Variants in INPP5A observed in about 807,000 individuals in gnomAD.
INPP5A encodes the protein inositol polyphosphate-5-phosphatase A.
INPP5A carries 14 observed loss-of-function variants against 65.2 expected under a neutral mutation model. The observed-to-expected ratio is 0.21, with a 90% CI of 0.14 to 0.34. The LOEUF is 0.34. INPP5A is among the 10% of genes least tolerant of loss of function. INPP5A has a pLI of 1.00. For synonymous variants in INPP5A, 207 were observed against 208.3 expected, an observed-to-expected ratio of 0.99 and a Z score of 0.05; for missense variants, 431 against 545.6, an observed-to-expected ratio of 0.79 and a Z score of 2.09.
At chr10:132,596,270 G>T (rs966070571) in intron 1 of INPP5A, among the ~76,000 whole-genome samples, 1 of 152,182 alleles carries the variant, frequency 6.6e-6, no homozygotes, top group African/African-American at 2.4e-5. Flanking sequence ...GTAAAGACCA[G>T]TTTGGGCAGG....
At chr10:132,596,915 ATGTGTGCG>A (rs533676765) in intron 1 of INPP5A, among the ~76,000 whole-genome samples, 3 of 37,996 alleles carry the variant, frequency 7.9e-5, no homozygotes, top group African/African-American at 1.5e-4. Flanking sequence ...GCATGTGTGC[ATGTGTGCG>A]CGCATGTGCA....
Position 132,778,302 on chromosome 10 carries a change from ATTT to A in INPP5A, c.1089+548_1089+550del, listed in dbSNP as rs57172206. ...CTGTGATTTTTTTTTTTTAATAATAATTTTTTTTTTTTTTTTTTTTTTTTTTTT... is the reference window on the plus strand; with the variant it reads ...CTGTGATTTTTTTTTTTTAATAATAATTTTTTTTTTTTTTTTTTTTTTTTT... On this transcript the variant is annotated intron_variant, in intron 13 of 15. Coordinates refer to ENST00000368594, the MANE Select transcript of INPP5A (RefSeq NM_005539.5). Among the ~76,000 whole-genome samples the A allele has an allele frequency of 7.5e-3, 548 of 72,892 alleles. 3 individuals carry two copies. The highest frequency in any genetic ancestry group is 0.019 in the African/African-American group (242 of 12,670). The allele number at this position is 72,892 out of a possible 152,430, so 47.8% of individuals were successfully genotyped here. A position where few individuals can be genotyped will look rare whatever the true frequency, so the allele number is the denominator to read the frequency against.
In INPP5A at chr10:132,648,833, G is replaced by A. The variant is rs149609571; in HGVS notation, c.219-1585G>A. On this transcript the variant is annotated intron_variant, in intron 3 of 15. Coordinates refer to ENST00000368594, the MANE Select transcript of INPP5A (RefSeq NM_005539.5). ...AGCTGGTTTGCAGCAACCTGATTAT[G>A]TTGTACTTTGCTTTGATGTTCTTTA... is the stretch of plus-strand genomic sequence containing the variant. 3.3e-5 allele frequency among the ~76,000 whole-genome samples: 5 copies of A among 152,302 alleles called. No individual in the cohort carries two copies. The East Asian group carries it at 7.7e-4, about 23-fold the overall frequency.
intron 12 of INPP5A, among the ~76,000 whole-genome samples, chr10:132,769,531 G>A (rs776430072): frequency 6.6e-6 from 1 of 152,090 alleles, no homozygotes; most frequent in Non-Finnish European, 1.5e-5. Flanking sequence ...CGGGTGTGAC[G>A]TGTTAAAGCT....
chr10:132,604,268 C>T (rs562990895), intron 1 of INPP5A, among the ~76,000 whole-genome samples: 15 of 141,050 alleles, frequency 1.1e-4, no homozygotes, highest in South Asian at 2.4e-4. Context: ...TGCCCTGTGC[C>T]GTCAGGGTCC....
chr10:132,585,631 A>G (rs1267520841), intron 1 of INPP5A, among the ~76,000 whole-genome samples: 1 of 152,220 alleles, frequency 6.6e-6, no homozygotes, highest in Non-Finnish European at 1.5e-5. Context: ...AATGGTGAGA[A>G]GCATTACCAG....
intron 11 of INPP5A, among the ~76,000 whole-genome samples, chr10:132,751,297 C>T (rs1233660286): frequency 6.6e-6 from 1 of 152,216 alleles, no homozygotes; most frequent in Non-Finnish European, 1.5e-5. Context: ...CCACTGGGGT[C>T]GGGTCAGGCC....
At chr10:132,609,755 C>T (rs1413453335) in intron 2 of INPP5A, among the ~76,000 whole-genome samples, 2 of 152,216 alleles carry the variant, frequency 1.3e-5, no homozygotes, top group Non-Finnish European at 2.9e-5. Context: ...CGCCATTCTC[C>T]TGCCTCAGCC....
chr10:132,699,098 A>T (rs1432576183), intron 6 of INPP5A, among the ~76,000 whole-genome samples: 2 of 152,200 alleles, frequency 1.3e-5, no homozygotes, highest in Admixed American at 6.5e-5. Context: ...CATGCAAGAA[A>T]GCTCCATGGT....
At position 132,706,142 on chromosome 10, in the gene INPP5A, A is replaced by C. The variant is rs1845534855; in HGVS notation, c.475-2171A>C. 2.6e-5 allele frequency among the ~76,000 whole-genome samples: 4 copies of C among 152,266 alleles called. No homozygotes were observed. Among genetic ancestry groups the C allele is most frequent in the African/African-American group, 9.6e-5 (4 of 41,468 alleles). On this transcript the variant is annotated intron_variant, in intron 6 of 15. Transcript: ENST00000368594. This position sits in a 1 kb window ranked among gnomAD's most constrained non-coding sequence, Gnocchi z 4.7. Reference sequence around the variant, plus strand: ...TAGACTAGATGTGGTCAAAGAGAGAATCAGAGAATTAGACAATGTCATTAA... The same window carrying C: ...TAGACTAGATGTGGTCAAAGAGAGACTCAGAGAATTAGACAATGTCATTAA...
chr10:132,735,511 G>A (rs750271977), intron 9 of INPP5A, among the ~76,000 whole-genome samples: 264 of 152,386 alleles, frequency 1.7e-3, no homozygotes, highest in Admixed American at 4.2e-3. Context: ...ACACGTGAGT[G>A]TAATGGTCTT....
chr10:132,703,872 C>T (rs1458408390), intron 6 of INPP5A, among the ~76,000 whole-genome samples: 3 of 73,130 alleles, frequency 4.1e-5, no homozygotes, highest in Admixed American at 1.4e-4. Flanking sequence ...CACACACACA[C>T]GCACGGCTTC....
rs924263525 is a variant in INPP5A at position 132,555,393 on chromosome 10, T to G, written c.75+17222T>G. 6.6e-6 allele frequency among the ~76,000 whole-genome samples: 1 copy of G among 152,064 alleles called. No individual in the cohort carries two copies. Among genetic ancestry groups the G allele is most frequent in the Non-Finnish European group, 1.5e-5 (1 of 68,008 alleles). ...GTGGAGCTGCTGGGGCCTATCTGTT[T>G]TTTTGAACTTCTGATAAGTTGCCTG... On this transcript the variant is annotated intron_variant, in intron 1 of 15. Coordinates refer to ENST00000368594, the MANE Select transcript of INPP5A (RefSeq NM_005539.5). This position sits in a 1 kb window ranked among gnomAD's most constrained non-coding sequence, Gnocchi z 4.4.
At chr10:132,695,315 A>C (rs1343588904) in intron 5 of INPP5A, among the ~76,000 whole-genome samples, 4 of 152,206 alleles carry the variant, frequency 2.6e-5, no homozygotes, top group African/African-American at 9.6e-5. Flanking sequence ...TTGAAAAAAA[A>C]CTCCCAGCAA....
At chr10:132,574,637 T>C (rs1424983309) in intron 1 of INPP5A, among the ~76,000 whole-genome samples, 1 of 134,314 alleles carries the variant, frequency 7.4e-6, no homozygotes, top group Non-Finnish European at 1.6e-5. Context: ...TGTATTTTAT[T>C]TTATTTTATT....
chr10:132,635,149 G>A (rs1177800109), intron 2 of INPP5A, among the ~76,000 whole-genome samples: 5 of 152,042 alleles, frequency 3.3e-5, no homozygotes, highest in African/African-American at 4.8e-5. Context: ...CATTTATTTC[G>A]TTTTCTTTTA....
At chr10:132,672,905 T>G (rs988640526) in intron 4 of INPP5A, among the ~76,000 whole-genome samples, 42 of 152,156 alleles carry the variant, frequency 2.8e-4, no homozygotes, top group Non-Finnish European at 1.5e-5. Context: ...GGGTCGTGGT[T>G]TTTTTCCTGG....
At chr10:132,563,672 A>C (rs1040080508) in intron 1 of INPP5A, among the ~76,000 whole-genome samples, 2 of 151,826 alleles carry the variant, frequency 1.3e-5, no homozygotes, top group Non-Finnish European at 2.9e-5. Flanking sequence ...AATTAAAGGA[A>C]AGAGAGAAAG....
In INPP5A at chr10:132,782,011, T is replaced by G. The variant is rs769570143; in HGVS notation, c.*8-26T>G. The G allele has an allele frequency of 3.2e-5, 52 of 1,610,816 alleles. No individual in the cohort carries two copies. The highest frequency in any genetic ancestry group is 3.9e-5 in the Non-Finnish European group (46 of 1,178,410). ...AGCTTTTCCTGGTGCGTTTGTTCCTTTAACAAATTACGAATTCCGTGACAG... is the reference window on the plus strand; with the variant it reads ...AGCTTTTCCTGGTGCGTTTGTTCCTGTAACAAATTACGAATTCCGTGACAG... On this transcript the variant is annotated intron_variant, in intron 15 of 15. Transcript: ENST00000368594. The surrounding 1 kb of genome is among the most constrained non-coding windows in gnomAD (Gnocchi z 4.4).
Sources: allele counts gnomAD v4.1 joint callset (sites outside exome capture counted in the v4.1 genomes callset), GRCh38; gene constraint gnomAD v4.1.1; non-coding constraint Gnocchi (gnomAD v3.1); transcripts MANE v1.5; gene names NCBI Gene and HGNC (gene_info 2026-07-23, HGNC 2026-07-21).